FAM13B: variants seen among roughly 807,000 people sequenced by gnomAD.
FAM13B encodes family with sequence similarity 13 member B, also known as protein FAM13B.
In FAM13B, 60 loss-of-function variants were observed where a neutral mutation model predicts 117.3. That is an observed-to-expected ratio of 0.51 (90% CI 0.42 to 0.63). FAM13B has a LOEUF of 0.63. Ranked by LOEUF, FAM13B falls within the 30% of genes least tolerant of loss-of-function variation. The pLI is 0.00. For synonymous variants in FAM13B, 332 were observed against 356.1 expected (o/e 0.93, Z 0.76); for missense variants, 972 against 1,091.9 (o/e 0.89, Z 1.55).
At chr5:138,042,961 G>A (rs1451268825) in intron 1 of FAM13B, among the ~76,000 whole-genome samples, 6 of 151,972 alleles carry the variant, frequency 3.9e-5, no homozygotes, top group African/African-American at 7.3e-5. Context: ...GTGTGGTGGC[G>A]CATGCCTGTA....
chr5:137,988,755 T>C (rs796557399), intron 7 of FAM13B, among the ~76,000 whole-genome samples: 17 of 152,306 alleles, frequency 1.1e-4, no homozygotes, highest in African/African-American at 3.6e-4. Context: ...CTCTACTGCC[T>C]TCTACAACAA....
intron 4 of FAM13B, among the ~76,000 whole-genome samples, chr5:138,014,900 T>C (rs1784896072): frequency 6.6e-6 from 1 of 152,236 alleles, no homozygotes; most frequent in Non-Finnish European, 1.5e-5. Context: ...GAGTCTAATT[T>C]CTAGTTAAAT....
upstream of FAM13B, among the ~76,000 whole-genome samples, chr5:138,034,413 A>T (rs1790865209): frequency 6.6e-6 from 1 of 152,138 alleles, no homozygotes; most frequent in Non-Finnish European, 1.5e-5. Context: ...AAAGGCCCAT[A>T]CTCTGATTCC....
At chr5:138,039,789 T>TGTTTGCA (rs993037281) in intron 1 of FAM13B, 1 of 152,048 alleles carries the variant, frequency 6.6e-6, no homozygotes, top group African/African-American at 2.4e-5. Context: ...ACAACGCCAA[T>TGTTTGCA]GTTTGCAGTT....
At chr5:137,976,115 C>T (rs1773911228) in intron 10 of FAM13B, among the ~76,000 whole-genome samples, 1 of 151,958 alleles carries the variant, frequency 6.6e-6, no homozygotes, top group South Asian at 2.1e-4. Context: ...TGCCACCACG[C>T]CTGGCTAATT....
chr5:138,001,706 CAGGGTA>C (rs1247863253), intron 7 of FAM13B, among the ~76,000 whole-genome samples: 1 of 152,018 alleles, frequency 6.6e-6, no homozygotes, highest in Non-Finnish European at 1.5e-5. Context: ...CAAAACAGAA[CAGGGTA>C]AGGGAGATCA....
chr5:138,017,338 A>G (rs1426083524), intron 4 of FAM13B, among the ~76,000 whole-genome samples: 2 of 152,222 alleles, frequency 1.3e-5, no homozygotes, highest in African/African-American at 4.8e-5. Flanking sequence ...CTTTCGAAAG[A>G]AAATATACCT....
chr5:138,003,850 T>G (rs1294906815), intron 7 of FAM13B, among the ~76,000 whole-genome samples: 1 of 152,340 alleles, frequency 6.6e-6, no homozygotes, highest in Non-Finnish European at 1.5e-5. Flanking sequence ...TTTCTAAATT[T>G]CACAGAGCTG....
rs781162016 is a variant in FAM13B, at chr5:137,940,103, A to G, written c.*122T>C. The G allele has an allele frequency of 2.9e-5, 47 of 1,614,060 alleles. No homozygotes were observed. The highest frequency in any genetic ancestry group is 2.5e-5 in the Non-Finnish European group (30 of 1,180,020). On this transcript the variant is annotated 3_prime_UTR_variant, in exon 24 of 24. Transcript: ENST00000689681. ...TGTTTTGTTTAGTGGCACCACAACC[A>G]AGTACAAAATGAGATTCTCTGAGTG...
chr5:138,049,305 C>T (rs1791732764), intron 1 of FAM13B, among the ~76,000 whole-genome samples: 1 of 151,440 alleles, frequency 6.6e-6, no homozygotes. Context: ...GAGTTTTGCG[C>T]TGTTGTTGCC....
rs1411420778 is a variant in FAM13B, at chr5:137,974,471, AG to A, written c.1179+10785del. ...CTGGAGACTGTTGTGGGGTGGGGGG[AG>A]GGGGGAGGGATAGCATTGGGAGATA... On this transcript the variant is annotated intron_variant, in intron 10 of 23. Transcript: ENST00000689681. Among the ~76,000 whole-genome samples the A allele has an allele frequency of 5.9e-5, 4 of 67,402 alleles. No individual in the cohort carries two copies. In the South Asian group the frequency reaches 2.7e-3, roughly 45 times the overall value. 44.2% of individuals were successfully genotyped at this position (67,402 alleles called of 152,430 possible).
At chr5:138,009,869 G>A (rs73299292) in intron 6 of FAM13B, among the ~76,000 whole-genome samples, 1,789 of 151,102 alleles carry the variant, frequency 0.012, 51 homozygotes, top group African/African-American at 0.041. Context: ...ATAAAAGCCT[G>A]GGCACAACAG....
Position 138,007,236 on chromosome 5 carries a change from A to C in FAM13B, c.691-89T>G, listed in dbSNP as rs1581234890. On this transcript the variant is annotated intron_variant, in intron 6 of 23. Transcript: ENST00000689681. ...ACTATTCTATGAAAATTTTAAACAC[A>C]AACAACTCATTTTTATTTCCTCATT... 8 of 1,015,680 alleles carry C rather than the reference A, an allele frequency of 7.9e-6. No homozygotes were observed. The East Asian group carries it at 2.2e-4, about 28-fold the overall frequency. The allele number at this position is 1,015,680 out of a possible 1,614,324, so 62.9% of individuals were successfully genotyped here. A position where few individuals can be genotyped will look rare whatever the true frequency, so the allele number is the denominator to read the frequency against.
rs140387789 is a variant in FAM13B at position 137,959,827 on chromosome 5, C to A, written c.1294-64G>T. 7.2e-4 allele frequency: 1,067 copies of A among 1,481,186 alleles called. 5 individuals are homozygous for A. In the Middle Eastern group the frequency reaches 0.019, roughly 26 times the overall value. The allele number at this position is 1,481,186 out of a possible 1,614,324, so 91.8% of individuals were successfully genotyped here. ...AAGCTTTTCACACCCAGCTTAAACA[C>A]ATCCAGCACATATCCAAGTGTAGTC... is the stretch of plus-strand genomic sequence containing the variant. On this transcript the variant is annotated intron_variant, in intron 12 of 23. Coordinates refer to ENST00000689681, the MANE Select transcript of FAM13B (RefSeq NM_001385994.1).
At chr5:137,989,295 A>G (rs1778016081) in intron 7 of FAM13B, among the ~76,000 whole-genome samples, 3 of 152,240 alleles carry the variant, frequency 2.0e-5, no homozygotes, top group Admixed American at 2.0e-4. Flanking sequence ...CCAAATGAGT[A>G]TCATTTACCA....
At chr5:137,998,492 C>A (rs917617429) in intron 7 of FAM13B, among the ~76,000 whole-genome samples, 1 of 152,156 alleles carries the variant, frequency 6.6e-6, no homozygotes, top group Non-Finnish European at 1.5e-5. Context: ...ACTTTTATTA[C>A]GGAATACCAT....
chr5:137,942,813 A>G, intron 22 of FAM13B, 62 bp downstream of exon 22: 1 of 1,450,866 alleles, frequency 6.9e-7, no homozygotes, highest in Non-Finnish European at 9.3e-7. Context: ...TTTAACATCA[A>G]ATTTCTTGGC....
At position 137,975,819 on chromosome 5, in the gene FAM13B, G is replaced by GT. The variant is rs796616691; in HGVS notation, c.1179+9437dup. On this transcript the variant is annotated intron_variant, in intron 10 of 23. Transcript: ENST00000689681. ...TGCAGTGTTCCCCTAACTACCCTGG[G>GT]TTTTTTTTTTTCTTTCTGACATTTT... is the stretch of plus-strand genomic sequence containing the variant. Among the ~76,000 whole-genome samples the GT allele has an allele frequency of 8.8e-3, 1,264 of 144,202 alleles. 23 individuals carry two copies. Among genetic ancestry groups the GT allele is most frequent in the African/African-American group, 0.024 (946 of 39,482 alleles). The allele number at this position is 144,202 out of a possible 152,430, so 94.6% of individuals were successfully genotyped here.
At chr5:138,045,083 CT>C (rs1390292646) in intron 1 of FAM13B, among the ~76,000 whole-genome samples, 1 of 152,182 alleles carries the variant, frequency 6.6e-6, no homozygotes, top group Non-Finnish European at 1.5e-5. Flanking sequence ...AACAGTTCCA[CT>C]CCTGAGTATA....
Sources: allele counts gnomAD v4.1 joint callset (sites outside exome capture counted in the v4.1 genomes callset), GRCh38; gene constraint gnomAD v4.1.1; transcripts MANE v1.5; gene names NCBI Gene and HGNC (gene_info 2026-07-23, HGNC 2026-07-21).